ANKRD66: variants seen among roughly 807,000 people sequenced by gnomAD.
ANKRD66 encodes ankyrin repeat domain-containing protein 66.
In ANKRD66, 10 loss-of-function variants were observed where a neutral mutation model predicts 10.9. The observed-to-expected ratio is 0.91, with a 90% CI of 0.56 to 1.55. ANKRD66 has a LOEUF of 1.55. Among genes scored for constraint, ANKRD66 ranks in the 40% most tolerant of loss-of-function variants. The probability of loss-of-function intolerance (pLI) is 0.00; values close to 1 mark genes in which losing one functional copy is unlikely to be tolerated. For synonymous variants in ANKRD66, 85 were observed against 88.4 expected, an observed-to-expected ratio of 0.96 and a Z score of 0.22; for missense variants, 252 against 242.9, an observed-to-expected ratio of 1.04 and a Z score of -0.25.
intron 3 of ANKRD66, among the ~76,000 whole-genome samples, chr6:46,752,498 G>A (rs1766293723): frequency 6.6e-6 from 1 of 152,206 alleles, no homozygotes; most frequent in Non-Finnish European, 1.5e-5. Context: ...GTCTCCCAAA[G>A]TGCTGGGATT....
rs1390336635 is a variant in ANKRD66, at chr6:46,750,513, T to C, written c.-13+534T>C. Reference sequence around the variant, plus strand: ...CTTGTATCTGCTTCTGCATTCAGTTTGTTGTTTTGGTTAAAGTATATAAAG... The same window carrying C: ...CTTGTATCTGCTTCTGCATTCAGTTCGTTGTTTTGGTTAAAGTATATAAAG... On this transcript the variant is annotated intron_variant, in intron 2 of 4. Coordinates refer to ENST00000565422, the MANE Select transcript of ANKRD66 (RefSeq NM_001162435.3). Among the ~76,000 whole-genome samples, 18 of 151,842 alleles carry C rather than the reference T, an allele frequency of 1.2e-4. 3 individuals carry two copies. Among genetic ancestry groups the C allele is most frequent in the African/African-American group, 4.1e-4 (17 of 41,466 alleles).
chr6:46,749,843 G>A (rs1480255929), intron 1 of ANKRD66, 53 bp from the exon 2 acceptor site: 6 of 1,520,396 alleles, frequency 3.9e-6, no homozygotes, highest in Non-Finnish European at 5.3e-6. Flanking sequence ...TGTCCTCTGG[G>A]CATTTAGGGC....
rs1766317364 is a variant in ANKRD66, at chr6:46,753,812, C to A, written c.254C>A (p.Ala85Glu). The A allele has an allele frequency of 1.3e-6, 2 of 1,551,574 alleles. No individual in the cohort carries two copies. Among genetic ancestry groups the A allele is most frequent in the African/African-American group, 1.4e-5 (1 of 73,038 alleles). The change falls in exon 4 of 5, where the codon GCA becomes GAA. Residue 85 changes from alanine (A) to glutamate (E), a missense_variant. Transcript: ENST00000565422. ...SVGWTPAHFAAEAGHLNILKT... is the reference protein window; with the variant it reads ...SVGWTPAHFAEEAGHLNILKT... ...GGCTGGACCCCAGCTCATTTTGCAG[C>A]AGAAGCAGGCCATCTGAATATACTC...
intron 3 of ANKRD66, among the ~76,000 whole-genome samples, chr6:46,753,214 AT>A (rs1181178821): frequency 6.6e-6 from 1 of 152,188 alleles, no homozygotes; most frequent in Non-Finnish European, 1.5e-5. Flanking sequence ...GGCCTCAGAT[AT>A]TTGTTTCTTG....
At chr6:46,749,071 G>GGAT (rs1458733692) in intron 1 of ANKRD66, among the ~76,000 whole-genome samples, 2 of 152,196 alleles carry the variant, frequency 1.3e-5, no homozygotes, top group Non-Finnish European at 2.9e-5. Context: ...AACCTCCATG[G>GGAT]GATAGCACAG....
At position 46,752,052 on chromosome 6, in the gene ANKRD66, C is replaced by T. The variant is rs868702702; in HGVS notation, c.104C>T (p.Pro35Leu). The T allele has an allele frequency of 1.3e-6, 2 of 1,537,774 alleles. No individual in the cohort carries two copies. The highest frequency in any genetic ancestry group is 8.8e-7 in the Non-Finnish European group (1 of 1,141,132). Residue 35 changes from proline (P) to leucine (L), a missense_variant, in exon 3 of 5, where the codon CCA becomes CTA. Coordinates refer to ENST00000565422, the MANE Select transcript of ANKRD66 (RefSeq NM_001162435.3). ...KKILKKGLCD[P>L]NYKDVDWNDR... ...ATTTTGAAGAAAGGTCTCTGTGACC[C>T]AAACTACAAAGATGTAGACTGGAAT...
rs562203834 is a variant in ANKRD66 at position 46,749,840 on chromosome 6, T to C, written c.-96-56T>C. The stretch of plus-strand genomic sequence containing the variant: ...TGAATGGTTCTTTCTCTCTGTCCTC[T>C]GGGCATTTAGGGCATTGCATTTTAA... On this transcript the variant is annotated intron_variant, in intron 1 of 4. Transcript: ENST00000565422. 1.6e-5 allele frequency: 24 copies of C among 1,516,874 alleles called. No homozygotes were observed. The African/African-American group carries it at 2.9e-4, about 19-fold the overall frequency. 94.0% of individuals were successfully genotyped at this position (1,516,874 alleles called of 1,614,324 possible).
chr6:46,752,215 G>A (rs1766285476), intron 3 of ANKRD66, 104 bp downstream of exon 3: 2 of 1,233,932 alleles, frequency 1.6e-6, no homozygotes, highest in South Asian at 4.7e-5. Flanking sequence ...TTTCTTTAGA[G>A]CCAGTTGGAA....
Position 46,749,936 on chromosome 6 carries a change from C to A in ANKRD66, c.-56C>A, listed in dbSNP as rs1308010620. On this transcript the variant is annotated 5_prime_UTR_variant, in exon 2 of 5. Coordinates refer to ENST00000565422, the MANE Select transcript of ANKRD66 (RefSeq NM_001162435.3). ...TCAATGCACTCACCTGGAGGGCTTA[C>A]CACAACAAAGATGGCCGGACCCCTG... The A allele has an allele frequency of 1.3e-6, 2 of 1,547,600 alleles. No homozygotes were observed. Among genetic ancestry groups the A allele is most frequent in the South Asian group, 1.2e-5 (1 of 83,942 alleles).
In ANKRD66 at chr6:46,758,967, G is replaced by T. The variant is rs1352352854; in HGVS notation, c.*46G>T. 2 of 1,494,414 alleles carry T rather than the reference G, an allele frequency of 1.3e-6. No individual in the cohort carries two copies. Among genetic ancestry groups the T allele is most frequent in the Non-Finnish European group, 9.0e-7 (1 of 1,115,296 alleles). The allele number at this position is 1,494,414 out of a possible 1,614,324, so 92.6% of individuals were successfully genotyped here. ...TGGCAAGGAACTTTCCCTGGTGCCA[G>T]AAATGAGGCTGTTAGGCATGGTGGC... On this transcript the variant is annotated 3_prime_UTR_variant, in exon 5 of 5. Coordinates refer to ENST00000565422, the MANE Select transcript of ANKRD66 (RefSeq NM_001162435.3).
rs1481681156 is a variant in ANKRD66, at chr6:46,759,137, A to G, written c.*216A>G. On this transcript the variant is annotated 3_prime_UTR_variant, in exon 5 of 5. Coordinates refer to ENST00000565422, the MANE Select transcript of ANKRD66 (RefSeq NM_001162435.3). The stretch of plus-strand genomic sequence containing the variant: ...CCGGGAAAGGACAAAACCTGCTTGC[A>G]TTTTGTCATCAGTGGTTTGCACAGT... 8 of 394,202 alleles carry G rather than the reference A, an allele frequency of 2.0e-5. No homozygotes were observed. Among genetic ancestry groups the G allele is most frequent in the East Asian group, 1.8e-4 (5 of 27,046 alleles). The allele number at this position is 394,202 out of a possible 1,614,324, so 24.4% of individuals were successfully genotyped here. A position where few individuals can be genotyped will look rare whatever the true frequency, so the allele number is the denominator to read the frequency against.
At chr6:46,756,046 A>G (rs1487174424) in intron 4 of ANKRD66, 1 of 442,064 alleles carries the variant, frequency 2.3e-6, no homozygotes, top group Admixed American at 2.6e-5. Context: ...CTCCACACCC[A>G]TTAAACAACT....
Position 46,747,272 on chromosome 6 carries a change from C to T in ANKRD66, c.-97+282C>T, listed in dbSNP as rs182158773. Among the ~76,000 whole-genome samples the T allele has an allele frequency of 6.4e-3, 969 of 152,224 alleles. 5 individuals carry two copies. Among genetic ancestry groups the T allele is most frequent in the Non-Finnish European group, 9.9e-3 (675 of 68,016 alleles). ...TTTGTTTTTGTTTTGTAGAAAGCTT[C>T]TAATTAATAGTTTTTTGTAAAGCAG... On this transcript the variant is annotated intron_variant, in intron 1 of 4. Coordinates refer to ENST00000565422, the MANE Select transcript of ANKRD66 (RefSeq NM_001162435.3).
intron 1 of ANKRD66, 46 bp from the exon 2 acceptor site, chr6:46,749,849 AG>A: frequency 6.5e-7 from 1 of 1,530,624 alleles, no homozygotes; most frequent in South Asian, 1.2e-5. Flanking sequence ...CTGGGCATTT[AG>A]GGCATTGCAT....
At chr6:46,749,249 T>A (rs1766210375) in intron 1 of ANKRD66, among the ~76,000 whole-genome samples, 1 of 151,976 alleles carries the variant, frequency 6.6e-6, no homozygotes, top group African/African-American at 2.4e-5. Flanking sequence ...AGTATGGGAG[T>A]TGGTGGCTCC....
chr6:46,756,100 T>C (rs910108382), intron 4 of ANKRD66: 8 of 451,188 alleles, frequency 1.8e-5, no homozygotes, highest in Non-Finnish European at 3.6e-5. Context: ...TTTGACTCTA[T>C]ATAAATCAAG....
intron 1 of ANKRD66, among the ~76,000 whole-genome samples, chr6:46,748,524 A>G (rs928887973): frequency 2.0e-5 from 3 of 152,304 alleles, no homozygotes; most frequent in Middle Eastern, 3.4e-3. Flanking sequence ...TTACTATTCT[A>G]TCATTGATCA....
At chr6:46,749,850 G>A (rs1766230231) in intron 1 of ANKRD66, 46 bp from the exon 2 acceptor site, 1 of 1,533,084 alleles carries the variant, frequency 6.5e-7, no homozygotes, top group Non-Finnish European at 8.8e-7. Context: ...TGGGCATTTA[G>A]GGCATTGCAT....
chr6:46,759,200 A>C lies in ANKRD66; in HGVS notation c.*279A>C. The C allele has an allele frequency of 3.9e-6, 1 of 258,322 alleles. No homozygotes were observed. Among genetic ancestry groups the C allele is most frequent in the Non-Finnish European group, 7.3e-6 (1 of 137,804 alleles). The allele number at this position is 258,322 out of a possible 1,614,324, so 16.0% of individuals were successfully genotyped here. A position where few individuals can be genotyped will look rare whatever the true frequency, so the allele number is the denominator to read the frequency against. Reference sequence around the variant, plus strand: ...ACCCCTGCCCCCCAACAATAATAGAATTTCAGGAGACAAGGAAACTCTGGC... The same window carrying C: ...ACCCCTGCCCCCCAACAATAATAGACTTTCAGGAGACAAGGAAACTCTGGC... On this transcript the variant is annotated 3_prime_UTR_variant, in exon 5 of 5. Transcript: ENST00000565422.
Sources: allele counts gnomAD v4.1 joint callset (sites outside exome capture counted in the v4.1 genomes callset), GRCh38; gene constraint gnomAD v4.1.1; transcripts MANE v1.5; gene names NCBI Gene and HGNC (gene_info 2026-07-23, HGNC 2026-07-21).